The following FHOD3 variants were observed in gnomAD, a reference collection of about 807,000 sequenced individuals.
FHOD3 encodes FH1/FH2 domain-containing protein 3.
In FHOD3, 90 loss-of-function variants were observed where a neutral mutation model predicts 173.0. That is an observed-to-expected ratio of 0.52 (90% CI 0.44 to 0.62). The LOEUF is 0.62. FHOD3 is among the 20% of genes least tolerant of loss of function. FHOD3 has a pLI of 0.00. For synonymous variants in FHOD3, 828 were observed against 823.0 expected (o/e 1.01, Z -0.10); for missense variants, 1,945 against 2,034.7 (o/e 0.96, Z 0.85).
chr18:36,699,329 C>T (rs893238136), intron 17 of FHOD3, among the ~76,000 whole-genome samples: 20 of 152,246 alleles, frequency 1.3e-4, no homozygotes, highest in Admixed American at 1.0e-3. Flanking sequence ...TACAAGACCT[C>T]GCCTGGAGCA....
At chr18:36,729,544 G>T (rs186417330) in intron 19 of FHOD3, among the ~76,000 whole-genome samples, 1 of 152,294 alleles carries the variant, frequency 6.6e-6, no homozygotes, top group East Asian at 1.9e-4. Context: ...CAAGGTACTG[G>T]CCAGTTAGGT....
At chr18:36,515,872 C>A (rs764334077) in intron 5 of FHOD3, among the ~76,000 whole-genome samples, 15 of 152,230 alleles carry the variant, frequency 9.9e-5, no homozygotes, top group Non-Finnish European at 1.8e-4. Flanking sequence ...CTTCTTTCCA[C>A]AGAACAGAGG....
chr18:36,425,705 A>G (rs1293322557), intron 3 of FHOD3, among the ~76,000 whole-genome samples: 2 of 152,152 alleles, frequency 1.3e-5, no homozygotes, highest in East Asian at 1.9e-4. Context: ...TTGTTATTGA[A>G]TTGTTGCTTT....
chr18:36,686,240 TG>T (rs947971767), intron 15 of FHOD3, among the ~76,000 whole-genome samples: 8 of 152,036 alleles, frequency 5.3e-5, no homozygotes, highest in African/African-American at 1.9e-4. Context: ...AAAGAAAATA[TG>T]GTACATATAC....
chr18:36,518,599 T>C (rs2056113975), intron 5 of FHOD3, among the ~76,000 whole-genome samples: 1 of 152,164 alleles, frequency 6.6e-6, no homozygotes, highest in African/African-American at 2.4e-5. Flanking sequence ...TGCAGGTGTT[T>C]TGTGTGCCCT....
chr18:36,775,227 C>T (rs1457030780), intron 28 of FHOD3, among the ~76,000 whole-genome samples: 4 of 152,148 alleles, frequency 2.6e-5, no homozygotes, highest in Non-Finnish European at 4.4e-5. Context: ...AACCAAAAAA[C>T]GATTTTCAAA....
At chr18:36,439,834 C>G (rs566839249) in intron 3 of FHOD3, among the ~76,000 whole-genome samples, 1 of 152,182 alleles carries the variant, frequency 6.6e-6, no homozygotes, top group South Asian at 2.1e-4. Context: ...GATGGATGTT[C>G]CAGCAGAGAA....
At chr18:36,492,929 T>C (rs1359615712) in intron 3 of FHOD3, among the ~76,000 whole-genome samples, 3 of 152,232 alleles carry the variant, frequency 2.0e-5, no homozygotes, top group Non-Finnish European at 4.4e-5. Flanking sequence ...GTTTACCTTA[T>C]TTTTATTGTA....
intron 1 of FHOD3, among the ~76,000 whole-genome samples, chr18:36,316,350 A>G (rs1000694398): frequency 7.2e-5 from 11 of 152,156 alleles, no homozygotes; most frequent in Admixed American, 5.9e-4. Context: ...TGGGGTGTGT[A>G]GGGGAGAAAA....
chr18:36,473,203 C>T (rs999181874), intron 3 of FHOD3, among the ~76,000 whole-genome samples: 6 of 152,212 alleles, frequency 3.9e-5, no homozygotes, highest in African/African-American at 1.4e-4. Flanking sequence ...CACCTGAGGT[C>T]AGGAGTTCGA....
chr18:36,596,955 C>A (rs2030542250), intron 7 of FHOD3, among the ~76,000 whole-genome samples: 1 of 152,208 alleles, frequency 6.6e-6, no homozygotes, highest in African/African-American at 2.4e-5. Flanking sequence ...TGTGTTTTGG[C>A]AGCTGGTAGG....
intron 3 of FHOD3, among the ~76,000 whole-genome samples, chr18:36,463,041 AG>A (rs2052655951): frequency 6.6e-6 from 1 of 152,146 alleles, no homozygotes; most frequent in South Asian, 2.1e-4. Flanking sequence ...AGCAATAAAT[AG>A]TAATGTCTCC....
At chr18:36,708,890 C>G (rs2040020584) in intron 17 of FHOD3, among the ~76,000 whole-genome samples, 1 of 152,188 alleles carries the variant, frequency 6.6e-6, no homozygotes, top group Non-Finnish European at 1.5e-5. Context: ...CGTAAGGTCA[C>G]TGACTAGGGA....
At chr18:36,508,392 C>G (rs577339022) in intron 4 of FHOD3, among the ~76,000 whole-genome samples, 1 of 151,868 alleles carries the variant, frequency 6.6e-6, no homozygotes, top group Non-Finnish European at 1.5e-5. Context: ...GTGGCTGATT[C>G]CAAGTCTGGA....
chr18:36,363,797 T>A (rs2046751906), intron 2 of FHOD3, among the ~76,000 whole-genome samples: 1 of 147,916 alleles, frequency 6.8e-6, no homozygotes, highest in African/African-American at 2.5e-5. Flanking sequence ...AGTAAAACTA[T>A]GGACTTGTTA....
intron 3 of FHOD3, among the ~76,000 whole-genome samples, chr18:36,494,579 C>T (rs951029521): frequency 2.0e-4 from 30 of 152,176 alleles, no homozygotes; most frequent in South Asian, 2.1e-4. Context: ...CAAGTGCAAG[C>T]TGTACTTAAC....
At chr18:36,771,640 C>A (rs2043385634) in intron 28 of FHOD3, among the ~76,000 whole-genome samples, 1 of 152,140 alleles carries the variant, frequency 6.6e-6, no homozygotes, top group Admixed American at 6.5e-5. Context: ...TCAAGGAGGC[C>A]AATAGCTACT....
At chr18:36,312,568 A>G (rs568097163) in intron 1 of FHOD3, among the ~76,000 whole-genome samples, 31 of 152,186 alleles carry the variant, frequency 2.0e-4, no homozygotes, top group Admixed American at 9.2e-4. Flanking sequence ...GCCCAAACCA[A>G]CTGAGAACCT....
At chr18:36,436,653 A>C (rs1469324203) in intron 3 of FHOD3, among the ~76,000 whole-genome samples, 2 of 152,236 alleles carry the variant, frequency 1.3e-5, no homozygotes, top group Non-Finnish European at 2.9e-5. Context: ...AGCATTTTGA[A>C]TTTTATTTTT....
Sources: allele counts gnomAD v4.1 joint callset (sites outside exome capture counted in the v4.1 genomes callset), GRCh38; gene constraint gnomAD v4.1.1; transcripts MANE v1.5; gene names NCBI Gene and HGNC (gene_info 2026-07-23, HGNC 2026-07-21).